Variants in RAD51B observed in about 807,000 individuals in gnomAD.
RAD51B encodes RAD51 paralog B, also known as DNA repair protein RAD51 homolog 2.
Under a neutral mutation model 42.2 loss-of-function variants are expected in RAD51B, and 38 were observed. The observed-to-expected ratio is 0.90, with a 90% CI of 0.70 to 1.18. The LOEUF is 1.18. RAD51B is among the 50% of genes most tolerant of loss of function. The probability of loss-of-function intolerance (pLI) is 0.00; values close to 1 mark genes in which losing one functional copy is unlikely to be tolerated. For missense variants in RAD51B, 373 were observed against 400.7 expected (o/e 0.93, Z 0.59); for synonymous variants, 154 against 145.2 (o/e 1.06, Z -0.43).
At chr14:68,409,130 T>C (rs2084355387) in intron 8 of RAD51B, among the ~76,000 whole-genome samples, 2 of 152,262 alleles carry the variant, frequency 1.3e-5, no homozygotes, top group African/African-American at 4.8e-5. Context: ...TAGAAAAAGC[T>C]GCTGAACTGT....
chr14:68,282,670 T>C (rs1011627510), intron 7 of RAD51B, among the ~76,000 whole-genome samples: 9 of 152,214 alleles, frequency 5.9e-5, no homozygotes, highest in Non-Finnish European at 1.2e-4. Context: ...CTTGGAAATT[T>C]GTTCCTAGGC....
intron 9 of RAD51B, among the ~76,000 whole-genome samples, chr14:68,460,972 C>T (rs2085829795): frequency 6.6e-6 from 1 of 152,116 alleles, no homozygotes; most frequent in Non-Finnish European, 1.5e-5. Flanking sequence ...TCTTGTATTT[C>T]ATAATGAAGC....
At chr14:67,839,761 G>T (rs1433723749) in intron 4 of RAD51B, among the ~76,000 whole-genome samples, 1 of 151,242 alleles carries the variant, frequency 6.6e-6, no homozygotes, top group East Asian at 1.9e-4. Flanking sequence ...TCTTAAATTA[G>T]ATATTTAATC....
chr14:68,470,538 A>T (rs2086095752), intron 10 of RAD51B: 1 of 496,316 alleles, frequency 2.0e-6, no homozygotes, highest in Non-Finnish European at 4.0e-6. Context: ...AAATGAAAAC[A>T]TTAACCTTGA....
In RAD51B at chr14:67,891,644, G is replaced by GATTTATTT. The variant is rs140848477; in HGVS notation, c.756+4457_756+4464dup. On this transcript the variant is annotated intron_variant, in intron 7 of 10. Transcript: ENST00000471583. ...TAATGGTGAACTTCATGTGGGCCTG[G>GATTTATTT]ATTTATTTATTTATTTATTTATTTT... Among the ~76,000 whole-genome samples, 17 of 151,372 alleles carry GATTTATTT rather than the reference G, an allele frequency of 1.1e-4. No individual in the cohort carries two copies. In the South Asian group the frequency reaches 1.5e-3, roughly 13 times the overall value.
At chr14:68,624,605 C>T (rs1308062825) in intron 10 of RAD51B, among the ~76,000 whole-genome samples, 3 of 152,078 alleles carry the variant, frequency 2.0e-5, no homozygotes, top group African/African-American at 7.2e-5. Context: ...GGAACCACCT[C>T]TGGACTGGCC....
chr14:67,987,744 C>T (rs2075219481), intron 7 of RAD51B, among the ~76,000 whole-genome samples: 1 of 152,194 alleles, frequency 6.6e-6, no homozygotes, highest in South Asian at 2.1e-4. Flanking sequence ...AATAACTCCT[C>T]ATTACTCAGC....
At chr14:68,633,662 A>T (rs1192540922) in intron 10 of RAD51B, among the ~76,000 whole-genome samples, 1 of 152,264 alleles carries the variant, frequency 6.6e-6, no homozygotes, top group Non-Finnish European at 1.5e-5. Context: ...CTCAGAGCAC[A>T]GAAAAGCCCG....
chr14:68,603,298 G>A (rs947221050), intron 10 of RAD51B, among the ~76,000 whole-genome samples: 2 of 152,138 alleles, frequency 1.3e-5, no homozygotes, highest in Admixed American at 1.3e-4. Context: ...AAACTGTAGT[G>A]CCAAATCTGC....
intron 7 of RAD51B, among the ~76,000 whole-genome samples, chr14:67,986,904 G>C (rs1166147156): frequency 2.6e-5 from 4 of 152,138 alleles, no homozygotes; most frequent in African/African-American, 9.7e-5. Context: ...GCTAATTTTT[G>C]TATTTTTAGT....
At chr14:68,216,247 C>T (rs992175648) in intron 7 of RAD51B, among the ~76,000 whole-genome samples, 1 of 152,162 alleles carries the variant, frequency 6.6e-6, no homozygotes, top group African/African-American at 2.4e-5. Flanking sequence ...TCTCTAAAAA[C>T]CTATTTCTTT....
At chr14:67,936,582 A>G (rs970585354) in intron 7 of RAD51B, among the ~76,000 whole-genome samples, 7 of 152,180 alleles carry the variant, frequency 4.6e-5, no homozygotes, top group African/African-American at 9.7e-5. Context: ...TTGTTTGGAC[A>G]TATGTTTTTA....
intron 7 of RAD51B, among the ~76,000 whole-genome samples, chr14:68,082,472 G>GATATATAT (rs35806526): frequency 6.7e-6 from 1 of 149,292 alleles, no homozygotes; most frequent in Non-Finnish European, 1.5e-5. Context: ...ATAGGAGAAA[G>GATATATAT]ATATATATAT....
intron 7 of RAD51B, among the ~76,000 whole-genome samples, chr14:67,961,024 T>C (rs1240598820): frequency 1.3e-5 from 2 of 152,082 alleles, no homozygotes; most frequent in African/African-American, 4.8e-5. Context: ...ATTCATTTAT[T>C]CAAGACAGGG....
chr14:67,867,715 G>A (rs2042374511), intron 5 of RAD51B, among the ~76,000 whole-genome samples: 1 of 152,202 alleles, frequency 6.6e-6, no homozygotes, highest in African/African-American at 2.4e-5. Context: ...AGTGGAAATG[G>A]ATATTGGATT....
intron 8 of RAD51B, among the ~76,000 whole-genome samples, chr14:68,400,712 A>G (rs2140048672): frequency 6.6e-6 from 1 of 152,366 alleles, no homozygotes; most frequent in Non-Finnish European, 1.5e-5. Flanking sequence ...CTTGTCTTGA[A>G]TGAAGCTAAA....
chr14:68,341,935 A>G (rs1303200817), intron 8 of RAD51B, among the ~76,000 whole-genome samples: 1 of 152,226 alleles, frequency 6.6e-6, no homozygotes, highest in Non-Finnish European at 1.5e-5. Flanking sequence ...CCTGTGGCAA[A>G]CAAAAATCTT....
chr14:68,073,060 T>C (rs2076778643), intron 7 of RAD51B, among the ~76,000 whole-genome samples: 1 of 152,134 alleles, frequency 6.6e-6, no homozygotes, highest in African/African-American at 2.4e-5. Context: ...TTTGGTCAAC[T>C]GTCAAGTTTA....
intron 7 of RAD51B, among the ~76,000 whole-genome samples, chr14:68,089,769 A>G (rs981985136): frequency 5.3e-5 from 8 of 152,248 alleles, no homozygotes; most frequent in Non-Finnish European, 8.8e-5. Context: ...CTTTGGCAAA[A>G]GACCTTTTGT....
Sources: gnomAD v4.1 joint callset for allele counts (sites outside exome capture counted in the v4.1 genomes callset) on GRCh38, gnomAD v4.1.1 for gene constraint, MANE v1.5 for transcripts, NCBI Gene and HGNC (gene_info 2026-07-23, HGNC 2026-07-21) for gene names.